The following SEPTIN9 variants were observed in gnomAD, a reference collection of about 807,000 sequenced individuals.
The protein encoded by SEPTIN9 is septin-9.
A neutral mutation model predicts 56.6 loss-of-function variants in SEPTIN9; 13 were observed. The observed-to-expected ratio is 0.23, with a 90% confidence interval of 0.15 to 0.37. The LOEUF (loss-of-function observed/expected upper bound fraction) is 0.37. Among genes scored for constraint, SEPTIN9 ranks in the 10% least tolerant of loss-of-function variants. The pLI is 1.00. For synonymous variants in SEPTIN9, 332 were observed against 334.1 expected, an observed-to-expected ratio of 0.99 and a Z score of 0.07; for missense variants, 650 against 823.1, an observed-to-expected ratio of 0.79 and a Z score of 2.57.
chr17:77,372,475 A>C (rs1388180591), intron 2 of SEPTIN9, among the ~76,000 whole-genome samples: 1 of 152,178 alleles, frequency 6.6e-6, no homozygotes, highest in Non-Finnish European at 1.5e-5. Context: ...GGGAGGGAGA[A>C]GCCCTTGGGG....
intron 2 of SEPTIN9, among the ~76,000 whole-genome samples, chr17:77,361,128 T>G (rs1351562504): frequency 6.6e-6 from 1 of 152,124 alleles, no homozygotes; most frequent in Non-Finnish European, 1.5e-5. Context: ...TTCACCACAT[T>G]GGCCAGGCTG....
chr17:77,463,906 A>C (rs570018281), intron 3 of SEPTIN9, among the ~76,000 whole-genome samples: 3 of 152,160 alleles, frequency 2.0e-5, no homozygotes, highest in African/African-American at 7.2e-5. Flanking sequence ...GAAAATGTCA[A>C]ATCCTAGAGA....
intron 1 of SEPTIN9, among the ~76,000 whole-genome samples, chr17:77,302,844 G>T (rs972405763): frequency 6.6e-6 from 1 of 152,142 alleles, no homozygotes; most frequent in Non-Finnish European, 1.5e-5. Context: ...ACTGGAAAGG[G>T]GCTGTGCTGC....
rs2035859220 is a variant in SEPTIN9 at position 77,400,374 on chromosome 17, T to A, written c.77-1685T>A. 2.0e-5 allele frequency among the ~76,000 whole-genome samples: 3 copies of A among 151,452 alleles called. No homozygotes were observed. The highest frequency in any genetic ancestry group is 2.0e-4 in the Admixed American group (3 of 15,210). ...TGTGACAACTGAGAGTTCTCTGGAG[T>A]CCACACGGCTCCTTGCCCAGCTTCT... On this transcript the variant is annotated intron_variant, in intron 2 of 11. Transcript: ENST00000427177. The surrounding 1 kb of genome is among the most constrained non-coding windows in gnomAD (Gnocchi z 4.1).
At chr17:77,309,220 T>C (rs771938404) in intron 2 of SEPTIN9, among the ~76,000 whole-genome samples, 1 of 152,260 alleles carries the variant, frequency 6.6e-6, no homozygotes, top group Non-Finnish European at 1.5e-5. Context: ...TGCTTCCCTC[T>C]GCTCAGACTG....
chr17:77,428,863 A>G, intron 3 of SEPTIN9: 1 of 397,784 alleles, frequency 2.5e-6, no homozygotes, highest in East Asian at 7.3e-5. Flanking sequence ...GAAGCTGATA[A>G]GCAGGTTATT....
At chr17:77,375,320 G>A (rs947023421) in intron 2 of SEPTIN9, 6 of 152,366 alleles carry the variant, frequency 3.9e-5, no homozygotes, top group African/African-American at 7.2e-5. Flanking sequence ...TCCTGCCTGC[G>A]GGATCGAGGT....
At chr17:77,404,938 G>A in intron 3 of SEPTIN9, 1 of 704,002 alleles carries the variant, frequency 1.4e-6, no homozygotes, top group Non-Finnish European at 2.3e-6. Context: ...CAGAGTGGCA[G>A]GAGGCTGTTT....
chr17:77,312,904 C>G (rs191265623), intron 2 of SEPTIN9, among the ~76,000 whole-genome samples: 3 of 152,340 alleles, frequency 2.0e-5, no homozygotes, highest in Admixed American at 6.5e-5. Flanking sequence ...AGCCCTTCCA[C>G]ATTGCAAGCG....
At chr17:77,322,546 G>C (rs1186971893) in intron 2 of SEPTIN9, 1 of 152,276 alleles carries the variant, frequency 6.6e-6, no homozygotes, top group Admixed American at 6.5e-5. Context: ...AAACTTTAGC[G>C]CTGGTCTTTA....
rs370939669 is a variant in SEPTIN9, at chr17:77,405,468, G to A, written c.721+2765G>A. 2.0e-5 allele frequency among the ~76,000 whole-genome samples: 3 copies of A among 152,334 alleles called. No homozygotes were observed. Among genetic ancestry groups the A allele is most frequent in the East Asian group, 3.9e-4 (2 of 5,182 alleles). ...TTTCTCCATGGAATAGGATGTACACGTTGGAGCCGGGGCATGGGAGAAAAC... is the reference window on the plus strand; with the variant it reads ...TTTCTCCATGGAATAGGATGTACACATTGGAGCCGGGGCATGGGAGAAAAC... On this transcript the variant is annotated intron_variant, in intron 3 of 11. Coordinates refer to ENST00000427177, the MANE Select transcript of SEPTIN9 (RefSeq NM_001113491.2). This position sits in a 1 kb window ranked among gnomAD's most constrained non-coding sequence, Gnocchi z 5.8.
chr17:77,318,722 G>A lies in SEPTIN9; in HGVS notation c.76+11525G>A, dbSNP rs1488515491. Among the ~76,000 whole-genome samples the A allele has an allele frequency of 6.6e-6, 1 of 152,048 alleles. No homozygotes were observed. Among genetic ancestry groups the A allele is most frequent in the Non-Finnish European group, 1.5e-5 (1 of 68,018 alleles). On this transcript the variant is annotated intron_variant, in intron 2 of 11. Transcript: ENST00000427177. The surrounding 1 kb of genome is among the most constrained non-coding windows in gnomAD (Gnocchi z 4.9). ...CTTTCTGCCAAGGAGATTGCATTTG[G>A]GGTCCTATCCCAGGCAGAGAGCGGA...
intron 1 of SEPTIN9, among the ~76,000 whole-genome samples, chr17:77,291,021 T>G (rs1214310457): frequency 6.9e-6 from 1 of 144,664 alleles, no homozygotes; most frequent in Non-Finnish European, 1.5e-5. Context: ...GTGCGCTGCA[T>G]GCCTGGCTAA....
intron 7 of SEPTIN9, among the ~76,000 whole-genome samples, chr17:77,489,886 C>T (rs2039951753): frequency 6.6e-6 from 1 of 152,218 alleles, no homozygotes; most frequent in African/African-American, 2.4e-5. Flanking sequence ...ACCTGCGGTC[C>T]TGTGGCAGCT....
chr17:77,418,208 G>A (rs560496199), intron 3 of SEPTIN9, among the ~76,000 whole-genome samples: 2 of 152,284 alleles, frequency 1.3e-5, no homozygotes, highest in African/African-American at 2.4e-5. Flanking sequence ...GCCTCATCTC[G>A]GAGTCCCGCT....
intron 2 of SEPTIN9, among the ~76,000 whole-genome samples, chr17:77,356,070 A>T (rs1439008092): frequency 1.3e-5 from 2 of 150,316 alleles, no homozygotes; most frequent in African/African-American, 4.9e-5. Flanking sequence ...CTGGCTGGGG[A>T]GGGCATCTCT....
intron 3 of SEPTIN9, among the ~76,000 whole-genome samples, chr17:77,422,471 G>A (rs1399796984): frequency 1.3e-5 from 2 of 152,130 alleles, no homozygotes; most frequent in Admixed American, 6.5e-5. Flanking sequence ...CTGGTCTCTG[G>A]GCCTCCAGGG....
chr17:77,494,170 A>G (rs920008289), intron 10 of SEPTIN9, among the ~76,000 whole-genome samples: 9 of 152,194 alleles, frequency 5.9e-5, no homozygotes, highest in African/African-American at 2.2e-4. Context: ...TAATGAATCT[A>G]TAAAGAAAGA....
intron 3 of SEPTIN9, among the ~76,000 whole-genome samples, chr17:77,466,955 G>GT (rs1271688800): frequency 1.3e-5 from 2 of 152,178 alleles, no homozygotes; most frequent in Non-Finnish European, 2.9e-5. Flanking sequence ...GCTGGGCTCT[G>GT]TGGGGGTCAG....
Sources: allele counts gnomAD v4.1 joint callset (sites outside exome capture counted in the v4.1 genomes callset), GRCh38; gene constraint gnomAD v4.1.1; non-coding constraint Gnocchi (gnomAD v3.1); transcripts MANE v1.5; gene names NCBI Gene and HGNC (gene_info 2026-07-23, HGNC 2026-07-21).